The following HIRA variants were observed in gnomAD, a reference collection of about 807,000 sequenced individuals.
HIRA encodes protein HIRA.
In HIRA, 13 loss-of-function variants were observed where a neutral mutation model predicts 126.6. The observed-to-expected ratio is 0.10, with a 90% CI of 0.07 to 0.16. The LOEUF (loss-of-function observed/expected upper bound fraction) is 0.16, where lower values mean the gene tolerates loss of function less well. HIRA is among the 10% of genes least tolerant of loss of function. The pLI is 1.00. For synonymous variants in HIRA, 511 were observed against 520.0 expected (o/e 0.98, Z 0.24); for missense variants, 834 against 1,314.4 (o/e 0.63, Z 5.65).
chr22:19,349,608 G>T (rs1444660019), intron 24 of HIRA, among the ~76,000 whole-genome samples: 3 of 152,152 alleles, frequency 2.0e-5, no homozygotes, highest in African/African-American at 7.2e-5. Flanking sequence ...ATTTACAATA[G>T]ATTTTTTTAG....
intron 15 of HIRA, among the ~76,000 whole-genome samples, chr22:19,374,193 G>C (rs898303804): frequency 6.6e-6 from 1 of 152,102 alleles, no homozygotes; most frequent in African/African-American, 2.4e-5. Context: ...AATTAGCCAG[G>C]TGTTGTGGCA....
intron 15 of HIRA, among the ~76,000 whole-genome samples, chr22:19,362,740 T>C (rs1341193550): frequency 3.3e-5 from 5 of 151,558 alleles, no homozygotes; most frequent in Non-Finnish European, 5.9e-5. Context: ...TTTGTATTAT[T>C]AGTAGAGACA....
chr22:19,389,779 A>G (rs1293347640), intron 9 of HIRA, among the ~76,000 whole-genome samples: 1 of 151,850 alleles, frequency 6.6e-6, no homozygotes, highest in East Asian at 1.9e-4. Context: ...GGCTGGGAGG[A>G]AACAGGGAAG....
At chr22:19,418,785 A>T (rs937251470) in intron 1 of HIRA, among the ~76,000 whole-genome samples, 2 of 152,188 alleles carry the variant, frequency 1.3e-5, no homozygotes, top group East Asian at 1.9e-4. Context: ...AATAAATTTT[A>T]AAAAATAGGT....
At position 19,385,749 on chromosome 22, in the gene HIRA, G is replaced by A. The variant is rs1195853127; in HGVS notation, c.1114-13C>T. On this transcript the variant is annotated splice_polypyrimidine_tract_variant and intron_variant, in intron 11 of 24. Coordinates refer to ENST00000263208, the MANE Select transcript of HIRA (RefSeq NM_003325.4). ...GGTGAATGCGGCTCTGGGGAAGCAA[G>A]GAGAGGCATGACATGCCAGCATGAG... 6.2e-7 allele frequency: 1 copy of A among 1,609,080 alleles called. No individual in the cohort carries two copies. The highest frequency in any genetic ancestry group is 8.5e-7 in the Non-Finnish European group (1 of 1,177,610).
intron 24 of HIRA, among the ~76,000 whole-genome samples, chr22:19,335,742 A>G (rs782047760): frequency 9.9e-5 from 15 of 152,138 alleles, no homozygotes; most frequent in Admixed American, 2.0e-4. Flanking sequence ...TCATATAGCA[A>G]AGTATCTAAA....
chr22:19,413,119 G>A (rs1182118166), intron 1 of HIRA, among the ~76,000 whole-genome samples: 2 of 152,184 alleles, frequency 1.3e-5, no homozygotes, highest in Non-Finnish European at 2.9e-5. Flanking sequence ...CAGGTAGAGA[G>A]TGTGAGAAAG....
intron 1 of HIRA, among the ~76,000 whole-genome samples, chr22:19,412,866 T>C (rs1319904680): frequency 6.6e-6 from 1 of 152,184 alleles, no homozygotes; most frequent in Admixed American, 6.5e-5. Flanking sequence ...GGCTAAGCAA[T>C]GAGAAAGTAA....
intron 24 of HIRA, among the ~76,000 whole-genome samples, chr22:19,347,269 C>T (rs917972484): frequency 6.6e-6 from 1 of 152,336 alleles, no homozygotes; most frequent in African/African-American, 2.4e-5. Flanking sequence ...GTAACTACAA[C>T]CTGATAACCA....
At chr22:19,398,292 C>T (rs1026071404) in intron 5 of HIRA, among the ~76,000 whole-genome samples, 5 of 152,340 alleles carry the variant, frequency 3.3e-5, no homozygotes, top group East Asian at 1.9e-4. Flanking sequence ...CTTTTACAGA[C>T]GAAGCAACTG....
In HIRA at chr22:19,335,693, C is replaced by T. The variant is rs2088559532; in HGVS notation, c.2938-4137G>A. ...CCTAAACTCCATTTATTGAATAGCC[C>T]CCCCTATTTTTCCCACTGTATCTGT... is the stretch of plus-strand genomic sequence containing the variant. On this transcript the variant is annotated intron_variant, in intron 24 of 24. Transcript: ENST00000263208. 3.3e-5 allele frequency among the ~76,000 whole-genome samples: 5 copies of T among 151,876 alleles called. No homozygotes were observed. The South Asian group carries it at 1.0e-3, about 32-fold the overall frequency.
At chr22:19,385,828 T>C (rs1271959257) in intron 11 of HIRA, 92 bp from the exon 12 acceptor site, 3 of 1,230,864 alleles carry the variant, frequency 2.4e-6, no homozygotes, top group African/African-American at 3.0e-5. Context: ...AGGGCTCTCC[T>C]GGCTCTGAGT....
intron 13 of HIRA, among the ~76,000 whole-genome samples, chr22:19,379,021 AT>A (rs1275531791): frequency 6.8e-6 from 1 of 146,814 alleles, no homozygotes; most frequent in Admixed American, 6.7e-5. Context: ...TGACGTTGAC[AT>A]TTTTTCTTTT....
intron 24 of HIRA, among the ~76,000 whole-genome samples, chr22:19,345,814 G>A (rs992023632): frequency 1.3e-5 from 2 of 152,156 alleles, no homozygotes; most frequent in African/African-American, 4.8e-5. Flanking sequence ...CAAAGCCCAG[G>A]AACCTGAAAG....
rs555799804 is a variant in HIRA, at chr22:19,407,418, A to T, written c.212-144T>A. On this transcript the variant is annotated intron_variant, in intron 3 of 24. Transcript: ENST00000263208. The stretch of plus-strand genomic sequence containing the variant: ...ATCTACTGTGTGAGAGCCCCAGAAA[A>T]ACAATTCAGTTTAAGCACTAACCTA... 4.8e-5 allele frequency: 31 copies of T among 647,430 alleles called. No individual in the cohort carries two copies. In the South Asian group the frequency reaches 5.7e-4, roughly 12 times the overall value. The allele number at this position is 647,430 out of a possible 1,614,324, so 40.1% of individuals were successfully genotyped here. A position where few individuals can be genotyped will look rare whatever the true frequency, so the allele number is the denominator to read the frequency against.
intron 1 of HIRA, among the ~76,000 whole-genome samples, chr22:19,426,591 G>A (rs560015198): frequency 6.6e-5 from 10 of 152,270 alleles, no homozygotes; most frequent in Non-Finnish European, 1.3e-4. Context: ...CTGCATTCTA[G>A]AATACGGTTT....
At position 19,431,630 on chromosome 22, in the gene HIRA, G is replaced by A. The variant is rs1348232945; in HGVS notation, c.-154C>T. On this transcript the variant is annotated 5_prime_UTR_variant, in exon 1 of 25. Coordinates refer to ENST00000263208, the MANE Select transcript of HIRA (RefSeq NM_003325.4). ...AGGGCCGCCGCGCCATCGCCGGCCC[G>A]CGCCCCCCTCCGCCGCCACAGCCGC... is the stretch of plus-strand genomic sequence containing the variant. The A allele has an allele frequency of 2.8e-6, 2 of 725,900 alleles. No individual in the cohort carries two copies. Among genetic ancestry groups the A allele is most frequent in the East Asian group, 8.9e-5 (1 of 11,190 alleles). 45.0% of individuals were successfully genotyped at this position (725,900 alleles called of 1,614,324 possible).
At chr22:19,384,764 C>A (rs963441334) in intron 12 of HIRA, among the ~76,000 whole-genome samples, 4 of 151,850 alleles carry the variant, frequency 2.6e-5, no homozygotes, top group African/African-American at 9.7e-5. Flanking sequence ...AAGCAATTCT[C>A]CTGCTCAGCC....
intron 24 of HIRA, among the ~76,000 whole-genome samples, chr22:19,342,186 CA>C (rs1202186452): frequency 2.6e-5 from 4 of 151,990 alleles, no homozygotes; most frequent in Non-Finnish European, 5.9e-5. Flanking sequence ...AAATGACCAA[CA>C]AACATATGAA....
Sources: allele counts gnomAD v4.1 joint callset (sites outside exome capture counted in the v4.1 genomes callset), GRCh38; gene constraint gnomAD v4.1.1; transcripts MANE v1.5; gene names NCBI Gene and HGNC (gene_info 2026-07-23, HGNC 2026-07-21).